Variants in ACVR1C observed in about 807,000 individuals in gnomAD.
ACVR1C encodes the protein activin A receptor type 1C, also known as activin receptor type-1C.
Under a neutral mutation model 57.9 loss-of-function variants are expected in ACVR1C, and 23 were observed. That is an observed-to-expected ratio of 0.40 (90% CI 0.29 to 0.56). ACVR1C has a LOEUF of 0.56. Among genes scored for constraint, ACVR1C ranks in the 20% least tolerant of loss-of-function variants. The pLI is 0.50. For missense variants in ACVR1C, 480 were observed against 607.9 expected, an observed-to-expected ratio of 0.79 and a Z score of 2.21; for synonymous variants, 214 against 215.3, an observed-to-expected ratio of 0.99 and a Z score of 0.05.
Position 157,628,729 on chromosome 2 carries a change from G to T in ACVR1C, c.-85C>A. The T allele has an allele frequency of 8.0e-7, 1 of 1,256,288 alleles. No homozygotes were observed. 77.8% of individuals were successfully genotyped at this position (1,256,288 alleles called of 1,614,324 possible). ...CAGCACGGCCCGCTTTGAAGTTCCC[G>T]GGCCGCGGGAGGGGAGCGCGGCACC... is the stretch of plus-strand genomic sequence containing the variant. On this transcript the variant is annotated 5_prime_UTR_variant, in exon 1 of 9. Coordinates refer to ENST00000243349, the MANE Select transcript of ACVR1C (RefSeq NM_145259.3).
At chr2:157,552,905 G>T (rs111389456) in intron 3 of ACVR1C, among the ~76,000 whole-genome samples, 2,372 of 152,248 alleles carry the variant, frequency 0.016, 47 homozygotes, top group African/African-American at 0.054. Context: ...TAACCAGGGG[G>T]TGTAGAAGGT....
In ACVR1C at chr2:157,529,268, T is replaced by C. The variant is rs1687304832; in HGVS notation, c.*4650A>G. 6.6e-6 allele frequency: 1 copy of C among 152,130 alleles called. No homozygotes were observed. Among genetic ancestry groups the C allele is most frequent in the Admixed American group, 6.6e-5 (1 of 15,240 alleles). The allele number at this position is 152,130 out of a possible 1,614,324, so 9.4% of individuals were successfully genotyped here. ...ATACTCTCACAGTTCCTAAATTTTA[T>C]CCATTAATTTTATCAGCACCCCAGT... is the stretch of plus-strand genomic sequence containing the variant. On this transcript the variant is annotated 3_prime_UTR_variant, in exon 9 of 9. Coordinates refer to ENST00000243349, the MANE Select transcript of ACVR1C (RefSeq NM_145259.3).
In ACVR1C at chr2:157,586,172, ATTGT is replaced by A. The variant is rs570149960; in HGVS notation, c.304+1011_304+1014del. ...AAATACCTAACTGAAATGCAGGAGC[ATTGT>A]TTGTTTGTTTACATAGTTATCTTCT... On this transcript the variant is annotated intron_variant, in intron 2 of 8. Transcript: ENST00000243349. Among the ~76,000 whole-genome samples, 823 of 152,168 alleles carry A rather than the reference ATTGT, an allele frequency of 5.4e-3. 5 individuals carry two copies. The highest frequency in any genetic ancestry group is 7.9e-3 in the Non-Finnish European group (537 of 67,996).
chr2:157,535,815 A>G (rs1210021584), intron 8 of ACVR1C, among the ~76,000 whole-genome samples: 2 of 152,180 alleles, frequency 1.3e-5, no homozygotes, highest in Admixed American at 6.5e-5. Flanking sequence ...GCTATGCAGG[A>G]CCATGGACTA....
chr2:157,563,969 G>A (rs1258250770), intron 2 of ACVR1C, among the ~76,000 whole-genome samples: 5 of 152,184 alleles, frequency 3.3e-5, no homozygotes, highest in Non-Finnish European at 7.3e-5. Flanking sequence ...ATTAACTCAA[G>A]ATGGATTAAA....
Position 157,546,816 on chromosome 2 carries a change from TA to T in ACVR1C, c.776-2205del, listed in dbSNP as rs1478002509. Among the ~76,000 whole-genome samples, 7 of 152,320 alleles carry T rather than the reference TA, an allele frequency of 4.6e-5. No individual in the cohort carries two copies. The East Asian group carries it at 5.8e-4, about 13-fold the overall frequency. On this transcript the variant is annotated intron_variant, in intron 4 of 8. Coordinates refer to ENST00000243349, the MANE Select transcript of ACVR1C (RefSeq NM_145259.3). ...TATGAGTACTTATTTTATTTTATTT[TA>T]TTTTTTTTCTTTATTATACTTTAAG...
intron 8 of ACVR1C, among the ~76,000 whole-genome samples, chr2:157,534,785 C>T (rs186471263): frequency 1.6e-3 from 247 of 152,238 alleles, no homozygotes; most frequent in African/African-American, 5.6e-3. Flanking sequence ...GTATCTGCTA[C>T]TCTCATGGTC....
intron 2 of ACVR1C, among the ~76,000 whole-genome samples, chr2:157,566,400 G>T (rs901601402): frequency 2.6e-5 from 4 of 152,218 alleles, no homozygotes; most frequent in South Asian, 4.1e-4. Flanking sequence ...ATAGCTCCCA[G>T]CGTGAGCGAC....
intron 5 of ACVR1C, among the ~76,000 whole-genome samples, chr2:157,543,719 A>G (rs1687672777): frequency 6.6e-6 from 1 of 152,220 alleles, no homozygotes; most frequent in Admixed American, 6.5e-5. Flanking sequence ...CTCAACAAAT[A>G]GAAATGGCAG....
At chr2:157,566,139 A>G (rs1456567988) in intron 2 of ACVR1C, among the ~76,000 whole-genome samples, 3 of 152,246 alleles carry the variant, frequency 2.0e-5, no homozygotes. Context: ...TAACTTAGAT[A>G]GTAATTATTC....
chr2:157,609,334 C>T (rs2105146911), intron 1 of ACVR1C, among the ~76,000 whole-genome samples: 1 of 152,004 alleles, frequency 6.6e-6, no homozygotes, highest in East Asian at 1.9e-4. Flanking sequence ...TGAGAAGATA[C>T]TTGATATGAG....
At chr2:157,598,153 C>G (rs1456759890) in intron 1 of ACVR1C, among the ~76,000 whole-genome samples, 1 of 148,590 alleles carries the variant, frequency 6.7e-6, no homozygotes, top group Non-Finnish European at 1.5e-5. Flanking sequence ...ATTTGGGGAC[C>G]CAACCAAGGG....
chr2:157,536,423 T>C (rs1255534205), intron 8 of ACVR1C, among the ~76,000 whole-genome samples: 2 of 152,166 alleles, frequency 1.3e-5, no homozygotes, highest in Non-Finnish European at 2.9e-5. Flanking sequence ...AAAGAAAAGA[T>C]AAATTAACTA....
At chr2:157,587,136 G>A in intron 2 of ACVR1C, 51 bp downstream of exon 2, 1 of 1,461,662 alleles carries the variant, frequency 6.8e-7, no homozygotes, top group South Asian at 1.1e-5. Context: ...CATTCTTATA[G>A]TTTCCCAAGA....
chr2:157,563,848 C>A (rs878926412), intron 2 of ACVR1C, among the ~76,000 whole-genome samples: 9 of 152,094 alleles, frequency 5.9e-5, no homozygotes, highest in African/African-American at 2.2e-4. Flanking sequence ...ACAAACCTGA[C>A]AAAAACAAGC....
chr2:157,593,498 A>AT (rs1681995377), intron 1 of ACVR1C, among the ~76,000 whole-genome samples: 1 of 152,150 alleles, frequency 6.6e-6, no homozygotes, highest in Admixed American at 6.5e-5. Flanking sequence ...AACACAAAAT[A>AT]TTTTTTTAAT....
At chr2:157,583,336 T>C (rs537156097) in intron 2 of ACVR1C, among the ~76,000 whole-genome samples, 73 of 152,296 alleles carry the variant, frequency 4.8e-4, no homozygotes, top group Non-Finnish European at 9.6e-4. Flanking sequence ...TAAGACCTGT[T>C]CTCTGATAAC....
chr2:157,541,276 CTT>C, intron 6 of ACVR1C, 62 bp from the exon 7 acceptor site: 2 of 1,523,972 alleles, frequency 1.3e-6, no homozygotes, highest in East Asian at 4.6e-5. Context: ...GTAAAACAAT[CTT>C]AATAAATTAA....
At chr2:157,562,559 C>T (rs372183212) in intron 2 of ACVR1C, among the ~76,000 whole-genome samples, 1 of 151,446 alleles carries the variant, frequency 6.6e-6, no homozygotes, top group African/African-American at 2.4e-5. Context: ...GGAGCTGGTA[C>T]CATTCCTTCT....
Sources: gnomAD v4.1 joint callset for allele counts (sites outside exome capture counted in the v4.1 genomes callset) on GRCh38, gnomAD v4.1.1 for gene constraint, MANE v1.5 for transcripts, NCBI Gene and HGNC (gene_info 2026-07-23, HGNC 2026-07-21) for gene names.